Variants in HSD17B12 observed in about 807,000 individuals in gnomAD.
HSD17B12 encodes hydroxysteroid 17-beta dehydrogenase 12.
HSD17B12 carries 32 observed loss-of-function variants against 39.3 expected under a neutral mutation model. The ratio of observed to expected loss-of-function variants is 0.81; its 90% CI spans 0.61 to 1.09. The LOEUF is 1.09. HSD17B12 is among the 50% of genes least tolerant of loss of function. HSD17B12 has a pLI of 0.00. For missense variants in HSD17B12, 342 were observed against 382.9 expected (o/e 0.89, Z 0.89); for synonymous variants, 150 against 146.7 (o/e 1.02, Z -0.16).
At chr11:43,767,563 TA>T (rs368602478) in intron 3 of HSD17B12, among the ~76,000 whole-genome samples, 1 of 152,364 alleles carries the variant, frequency 6.6e-6, no homozygotes, top group African/African-American at 2.4e-5. Context: ...ATTTTGCCAT[TA>T]TTTATTAAAT....
At chr11:43,707,557 G>A (rs1173198879) in intron 1 of HSD17B12, among the ~76,000 whole-genome samples, 2 of 152,142 alleles carry the variant, frequency 1.3e-5, no homozygotes, top group African/African-American at 2.4e-5. Context: ...AAATAAGTAG[G>A]GAAAAGGATT....
At chr11:43,746,678 A>G (rs1050886774) in intron 1 of HSD17B12, among the ~76,000 whole-genome samples, 3 of 152,236 alleles carry the variant, frequency 2.0e-5, no homozygotes, top group African/African-American at 7.2e-5. Context: ...ACTCAGTAGC[A>G]TAGTTGTTTA....
the HSD17B12 span, among the ~76,000 whole-genome samples, chr11:43,615,519 A>G: frequency 6.6e-6 from 1 of 151,988 alleles, no homozygotes; most frequent in South Asian, 2.1e-4. Flanking sequence ...TTAAACTCCA[A>G]CCTCTACCTC....
chr11:43,747,099 T>C (rs1307213949), intron 1 of HSD17B12, among the ~76,000 whole-genome samples: 1 of 152,246 alleles, frequency 6.6e-6, no homozygotes. Flanking sequence ...TCAGGAAAAC[T>C]GTCCAAGTCT....
At chr11:43,718,211 C>T (rs768271987) in intron 1 of HSD17B12, among the ~76,000 whole-genome samples, 1 of 152,156 alleles carries the variant, frequency 6.6e-6, no homozygotes. Flanking sequence ...GTTCCTATAG[C>T]GAAGTGGCAT....
intron 4 of HSD17B12, among the ~76,000 whole-genome samples, chr11:43,800,438 A>C (rs17598687): frequency 0.038 from 5,767 of 152,310 alleles, 155 homozygotes; most frequent in Non-Finnish European, 0.054. Flanking sequence ...CATGGAAACT[A>C]TAGATGCTCT....
chr11:43,726,726 A>C (rs370435101), intron 1 of HSD17B12, among the ~76,000 whole-genome samples: 1 of 152,252 alleles, frequency 6.6e-6, no homozygotes, highest in South Asian at 2.1e-4. Flanking sequence ...GTGTCTAAAT[A>C]GTTCTTATAG....
intron 3 of HSD17B12, among the ~76,000 whole-genome samples, chr11:43,779,854 A>G (rs996684088): frequency 5.3e-5 from 8 of 152,236 alleles, no homozygotes; most frequent in African/African-American, 1.9e-4. Flanking sequence ...AAGGAGAGTT[A>G]CTGAATTTCG....
intron 4 of HSD17B12, among the ~76,000 whole-genome samples, chr11:43,806,988 GGCCT>G (rs1951024460): frequency 7.1e-6 from 1 of 139,908 alleles, no homozygotes; most frequent in South Asian, 2.5e-4. Context: ...GTGATCCAAG[GGCCT>G]GCCATGAATA....
chr11:43,592,300 GT>G, the HSD17B12 span, among the ~76,000 whole-genome samples: 2 of 151,554 alleles, frequency 1.3e-5, no homozygotes, highest in Non-Finnish European at 2.9e-5. Context: ...TTGTGTGTGT[GT>G]TTTTTTAATG....
intron 1 of HSD17B12, among the ~76,000 whole-genome samples, chr11:43,731,512 T>C (rs1000226816): frequency 6.6e-6 from 1 of 152,244 alleles, no homozygotes; most frequent in African/African-American, 2.4e-5. Context: ...ACAACGATTG[T>C]CCTACTGGTG....
the HSD17B12 span, among the ~76,000 whole-genome samples, chr11:43,608,032 A>G: frequency 1.3e-5 from 2 of 152,198 alleles, no homozygotes; most frequent in African/African-American, 2.4e-5. Context: ...CATCAGGAAG[A>G]TGAGGTGATG....
At chr11:43,563,808 A>T in the HSD17B12 span, among the ~76,000 whole-genome samples, 1 of 152,204 alleles carries the variant, frequency 6.6e-6, no homozygotes, top group Non-Finnish European at 1.5e-5. Context: ...ACAGAGCAAG[A>T]TCCTGTCTTT....
At chr11:43,640,290 G>T in the HSD17B12 span, among the ~76,000 whole-genome samples, 3 of 152,212 alleles carry the variant, frequency 2.0e-5, no homozygotes, top group African/African-American at 7.2e-5. Flanking sequence ...GAATATGTAA[G>T]AAATCGTAAA....
rs2135157364 is a variant in HSD17B12 at position 43,856,585 on chromosome 11, A to C, written c.*1337A>C. 1 of 152,362 alleles carries C rather than the reference A, an allele frequency of 6.6e-6. No individual in the cohort carries two copies. Among genetic ancestry groups the C allele is most frequent in the Middle Eastern group, 3.4e-3 (1 of 294 alleles). 9.4% of individuals were successfully genotyped at this position (152,362 alleles called of 1,614,324 possible). On this transcript the variant is annotated 3_prime_UTR_variant, in exon 11 of 11. Transcript: ENST00000278353. ...AATCTCAGAATAAAGGTTGTCATTTAAGTTGAATAAATATATAGCTTTATG... is the reference window on the plus strand; with the variant it reads ...AATCTCAGAATAAAGGTTGTCATTTCAGTTGAATAAATATATAGCTTTATG...
chr11:43,733,903 G>A, intron 1 of HSD17B12: 1 of 686,902 alleles, frequency 1.5e-6, no homozygotes, highest in African/African-American at 1.8e-5. Flanking sequence ...ACAGGACATT[G>A]TAGTAGGGGA....
the HSD17B12 span, among the ~76,000 whole-genome samples, chr11:43,575,453 G>A: frequency 6.6e-6 from 1 of 152,250 alleles, no homozygotes; most frequent in East Asian, 1.9e-4. The surrounding 1 kb of genome is among the most constrained non-coding windows in gnomAD (Gnocchi z 4.1). Flanking sequence ...GGGAAAGGAC[G>A]CGCGCGGGAG....
chr11:43,590,673 G>C, the HSD17B12 span, among the ~76,000 whole-genome samples: 1 of 151,286 alleles, frequency 6.6e-6, no homozygotes, highest in East Asian at 1.9e-4. Context: ...ACCATGTCCG[G>C]CTAATTTTTT....
the HSD17B12 span, among the ~76,000 whole-genome samples, chr11:43,659,194 T>A: frequency 6.6e-6 from 1 of 152,238 alleles, no homozygotes; most frequent in African/African-American, 2.4e-5. Context: ...CTCTGAGCCA[T>A]GTGCGGGATA....
Sources: gnomAD v4.1 joint callset for allele counts (sites outside exome capture counted in the v4.1 genomes callset) on GRCh38, gnomAD v4.1.1 for gene constraint, Gnocchi (gnomAD v3.1) non-coding constraint, MANE v1.5 for transcripts, NCBI Gene and HGNC (gene_info 2026-07-23, HGNC 2026-07-21) for gene names.